GLI1: variants seen among roughly 807,000 people sequenced by gnomAD.
GLI1 encodes the protein transcription activator GLI1.
In GLI1, 51 loss-of-function variants were observed where a neutral mutation model predicts 87.8. The observed-to-expected ratio is 0.58, with a 90% CI of 0.46 to 0.73. The LOEUF (loss-of-function observed/expected upper bound fraction) is 0.73, where lower values mean the gene tolerates loss of function less well. GLI1 is among the 30% of genes least tolerant of loss of function. The pLI is 0.00. For missense variants in GLI1, 1,292 were observed against 1,437.2 expected, an observed-to-expected ratio of 0.90 and a Z score of 1.63; for synonymous variants, 528 against 558.2, an observed-to-expected ratio of 0.95 and a Z score of 0.76.
chr12:57,461,836 A>T (rs1871160098), intron 1 of GLI1, among the ~76,000 whole-genome samples: 1 of 152,076 alleles, frequency 6.6e-6, no homozygotes, highest in African/African-American at 2.4e-5. Flanking sequence ...TGCGAGGGGG[A>T]CGCTGGAAAA....
chr12:57,471,002 G>C lies in GLI1; in HGVS notation c.2262G>C (p.Gly754=). Residue 754 remains glycine, a synonymous_variant, in exon 12 of 12, where the codon GGG becomes GGC. Transcript: ENST00000228682. This position sits in a 1 kb window ranked among gnomAD's most constrained non-coding sequence, Gnocchi z 4.9. The part of the protein sequence containing the change: ...GARGPGSLPL[G]PGPPTNYGPN... ...GGGGTCCAGGCTCTCTGCCTCTTGG[G>C]CCTGGTCCACCCACCAACTATGGCC... The C allele has an allele frequency of 3.1e-6, 5 of 1,611,084 alleles. No homozygotes were observed. The highest frequency in any genetic ancestry group is 4.2e-6 in the Non-Finnish European group (5 of 1,178,468).
At chr12:57,465,007 C>A in intron 4 of GLI1, 104 bp from the exon 5 acceptor site, 1 of 1,303,336 alleles carries the variant, frequency 7.7e-7, no homozygotes, top group Non-Finnish European at 1.1e-6. Context: ...CCTGGGACTG[C>A]CTCAACCACT....
Position 57,465,852 on chromosome 12 carries a change from A to C in GLI1, c.689A>C (p.Glu230Ala). ...GAGAGAGAGGAGAAGCGTGAGCCTG[A>C]ATCTGTGTATGAAACTGACTGCCGT... ...DLEREEKREPESVYETDCRWD... is the reference protein window; with the variant it reads ...DLEREEKREPASVYETDCRWD... Residue 230 changes from glutamate to alanine, a missense_variant, in exon 7 of 12, where the codon GAA (glutamate) becomes GCA (alanine). Glu to Ala is a moderately radical substitution (Grantham distance 107). Coordinates refer to ENST00000228682, the MANE Select transcript of GLI1 (RefSeq NM_005269.3). 1 of 1,614,056 alleles carries C rather than the reference A, an allele frequency of 6.2e-7. No individual in the cohort carries two copies. The highest frequency in any genetic ancestry group is 8.5e-7 in the Non-Finnish European group (1 of 1,179,906).
chr12:57,464,525 C>CAAAA, intron 3 of GLI1, 148 bp from the exon 4 acceptor site: 6 of 514,026 alleles, frequency 1.2e-5, no homozygotes, highest in Admixed American at 3.9e-5. Flanking sequence ...CTGTGTCTCT[C>CAAAA]AAAAAAAAAA....
rs1042660638 is a variant in GLI1 at position 57,470,569 on chromosome 12, A to T, written c.1829A>T (p.Asp610Val). The T allele has an allele frequency of 6.2e-7, 1 of 1,614,074 alleles. No individual in the cohort carries two copies. Among genetic ancestry groups the T allele is most frequent in the South Asian group, 1.1e-5 (1 of 91,090 alleles). Residue 610 changes from aspartate to valine, a missense_variant, in exon 12 of 12, where the codon GAT (aspartate) becomes GTT (valine). Transcript: ENST00000228682. ...GTSPTAASSL[D>V]RIGGLPMPPW... ...TCGCCCACTGCAGCATCCAGCCTGG[A>T]TCGGATAGGTGGTCTTCCCATGCCT...
Position 57,470,522 on chromosome 12 carries a change from T to C in GLI1, c.1782T>C (p.Ala594=). The C allele has an allele frequency of 6.2e-7, 1 of 1,614,052 alleles. No homozygotes were observed. The highest frequency in any genetic ancestry group is 1.3e-5 in the African/African-American group (1 of 75,044). The change falls in exon 12 of 12, where the codon GCT becomes GCC. Residue 594 remains alanine (A), a synonymous_variant. Coordinates refer to ENST00000228682, the MANE Select transcript of GLI1 (RefSeq NM_005269.3). ...AQHYLLRARY[A]SARGGGTSPT... Reference sequence around the variant, plus strand: ...ACTACCTGCTTCGGGCAAGATATGCTTCAGCCAGAGGGGGTGGTACTTCGC... The same window carrying C: ...ACTACCTGCTTCGGGCAAGATATGCCTCAGCCAGAGGGGGTGGTACTTCGC...
At position 57,464,945 on chromosome 12, in the gene GLI1, C is replaced by A. The variant is rs1871377752; in HGVS notation, c.389+77C>A. 4 of 1,289,084 alleles carry A rather than the reference C, an allele frequency of 3.1e-6. No homozygotes were observed. In the South Asian group the frequency reaches 4.8e-5, roughly 16 times the overall value. The allele number at this position is 1,289,084 out of a possible 1,614,324, so 79.9% of individuals were successfully genotyped here. A position where few individuals can be genotyped will look rare whatever the true frequency, so the allele number is the denominator to read the frequency against. On this transcript the variant is annotated intron_variant, in intron 4 of 11. Transcript: ENST00000228682. ...TAAAAGTCTCAAGCCCTCAAACTACCTAACCCTATTTGAATCCTTGTCATT... is the reference window on the plus strand; with the variant it reads ...TAAAAGTCTCAAGCCCTCAAACTACATAACCCTATTTGAATCCTTGTCATT...
At position 57,471,086 on chromosome 12, in the gene GLI1, G is replaced by A. The variant is rs747317169; in HGVS notation, c.2346G>A (p.Glu782=). 8.7e-6 allele frequency: 14 copies of A among 1,613,332 alleles called. No homozygotes were observed. The South Asian group carries it at 1.5e-4, about 18-fold the overall frequency. The change falls in exon 12 of 12, where the codon GAG becomes GAA. Residue 782 remains glutamate (E), a synonymous_variant. Transcript: ENST00000228682. This position sits in a 1 kb window ranked among gnomAD's most constrained non-coding sequence, Gnocchi z 4.9. ...ACCCCACCCAAGAAACATGGGGTGAGTTCCCTTCCCACTCTGGGCTGTACC... is the reference window on the plus strand; with the variant it reads ...ACCCCACCCAAGAAACATGGGGTGAATTCCCTTCCCACTCTGGGCTGTACC... ...YPDPTQETWG[E]FPSHSGLYPG... is the part of the protein sequence containing the mutation.
At chr12:57,468,832 G>C (rs921431651) in intron 10 of GLI1, among the ~76,000 whole-genome samples, 1 of 152,008 alleles carries the variant, frequency 6.6e-6, no homozygotes, top group Non-Finnish European at 1.5e-5. Flanking sequence ...TCGGCTCACT[G>C]CAACCTCCGC....
chr12:57,463,286 C>T (rs1871259937), intron 1 of GLI1, among the ~76,000 whole-genome samples: 2 of 152,196 alleles, frequency 1.3e-5, no homozygotes, highest in African/African-American at 4.8e-5. Context: ...GGCACCATCT[C>T]GGCTCACTGA....
chr12:57,463,409 G>T (rs890338886), intron 1 of GLI1, among the ~76,000 whole-genome samples: 1 of 152,108 alleles, frequency 6.6e-6, no homozygotes. Flanking sequence ...TAGAGACGGG[G>T]GTTTCACCAT....
intron 1 of GLI1, chr12:57,460,678 GCCAGGC>G (rs1445949821): frequency 6.6e-6 from 1 of 150,882 alleles, no homozygotes; most frequent in Non-Finnish European, 1.5e-5. Flanking sequence ...CTAGGGGCCA[GCCAGGC>G]TTGAACCTTT....
At chr12:57,460,972 C>T (rs1364693949) in intron 1 of GLI1, among the ~76,000 whole-genome samples, 1 of 152,182 alleles carries the variant, frequency 6.6e-6, no homozygotes, top group Non-Finnish European at 1.5e-5. Context: ...GGCGGGACCA[C>T]TGGCCACTGC....
In GLI1 at chr12:57,468,297, A is replaced by G. The variant is rs1594747313; in HGVS notation, c.1308+73A>G. On this transcript the variant is annotated intron_variant, in intron 10 of 11. Coordinates refer to ENST00000228682, the MANE Select transcript of GLI1 (RefSeq NM_005269.3). The stretch of plus-strand genomic sequence containing the variant: ...TGGACATCTTTCTAGTTACTTCCCA[A>G]CCCATCCATTCCCTCCTATAGAAGT... The G allele has an allele frequency of 4.3e-6, 4 of 923,584 alleles. No individual in the cohort carries two copies. The South Asian group carries it at 4.5e-5, about 10-fold the overall frequency. The allele number at this position is 923,584 out of a possible 1,614,324, so 57.2% of individuals were successfully genotyped here. A position where few individuals can be genotyped will look rare whatever the true frequency, so the allele number is the denominator to read the frequency against.
rs1018123186 is a variant in GLI1 at position 57,470,731 on chromosome 12, A to G, written c.1991A>G (p.His664Arg). The G allele has an allele frequency of 5.0e-6, 8 of 1,613,004 alleles. No individual in the cohort carries two copies. The highest frequency in any genetic ancestry group is 6.8e-6 in the Non-Finnish European group (8 of 1,179,616). The change falls in exon 12 of 12, where the codon CAT becomes CGT. Residue 664 changes from histidine to arginine, a missense_variant. Coordinates refer to ENST00000228682, the MANE Select transcript of GLI1 (RefSeq NM_005269.3). ...AGGTTCAAGAGCCTGGGCTGTGTCC[A>G]TACCCCACCCACTGTGGCAGGGGGA... ...VQRFKSLGCV[H>R]TPPTVAGGGQ...
chr12:57,461,647 C>G (rs1253675743), intron 1 of GLI1, among the ~76,000 whole-genome samples: 3 of 152,230 alleles, frequency 2.0e-5, no homozygotes, highest in Non-Finnish European at 4.4e-5. Flanking sequence ...TGGCCCGCCC[C>G]TCAGCCCCCA....
chr12:57,461,674 T>C (rs1871146077), intron 1 of GLI1, among the ~76,000 whole-genome samples: 1 of 152,060 alleles, frequency 6.6e-6, no homozygotes, highest in Non-Finnish European at 1.5e-5. Flanking sequence ...TGGCTCGCTC[T>C]ACTGGGCTCC....
In GLI1 at chr12:57,471,154, G is replaced by A. The variant is rs376640247; in HGVS notation, c.2414G>A (p.Arg805Gln). 13 of 1,610,238 alleles carry A rather than the reference G, an allele frequency of 8.1e-6. No homozygotes were observed. The highest frequency in any genetic ancestry group is 5.1e-5 in the Admixed American group (3 of 59,360). ...GGTGGAACCTACAGCCAGTGTCCTC[G>A]ACTTGAACATTATGGACAAGTGCAA... ...ALGGTYSQCP[R>Q]LEHYGQVQVK... Residue 805 changes from arginine to glutamine, a missense_variant, in exon 12 of 12, where the codon CGA (arginine) becomes CAA (glutamine). By Grantham distance (43) the Arg-to-Gln change is conservative (BLOSUM62 1). This residue lies in a region of GLI1 where 897 missense variants were observed against 1,040.7 expected (regional missense o/e 0.86). Transcript: ENST00000228682. The surrounding 1 kb of genome is among the most constrained non-coding windows in gnomAD (Gnocchi z 4.9).
intron 10 of GLI1, 34 bp downstream of exon 10, chr12:57,468,258 C>T: frequency 4.3e-6 from 6 of 1,388,226 alleles, no homozygotes; most frequent in Non-Finnish European, 6.1e-6. Flanking sequence ...ACCTCCATAC[C>T]CCAGCCCACC....
Sources: allele counts gnomAD v4.1 joint callset (sites outside exome capture counted in the v4.1 genomes callset), GRCh38; gene constraint gnomAD v4.1.1; regional missense constraint gnomAD v4.1.1; non-coding constraint Gnocchi (gnomAD v3.1); transcripts MANE v1.5; gene names NCBI Gene and HGNC (gene_info 2026-07-23, HGNC 2026-07-21).